Variants in ANKRD55 observed in about 807,000 individuals in gnomAD.
The protein encoded by ANKRD55 is ankyrin repeat domain-containing protein 55.
In ANKRD55, 41 loss-of-function variants were observed where a neutral mutation model predicts 60.6. The ratio of observed to expected loss-of-function variants is 0.68; its 90% CI spans 0.53 to 0.88. The LOEUF (loss-of-function observed/expected upper bound fraction) is 0.88. Ranked by LOEUF, ANKRD55 falls within the 40% of genes least tolerant of loss-of-function variation. ANKRD55 has a pLI of 0.00. For synonymous variants in ANKRD55, 264 were observed against 290.3 expected (o/e 0.91, Z 0.92); for missense variants, 732 against 767.6 (o/e 0.95, Z 0.55).
rs573351300 is a variant in ANKRD55, at chr5:56,110,314, G to A, written c.1630+804C>T. ...CTCAGGATGCTGAGGCAGGGGGATCGCTTGAACCCAGGAGACAGAGGCTGC... is the reference window on the plus strand; with the variant it reads ...CTCAGGATGCTGAGGCAGGGGGATCACTTGAACCCAGGAGACAGAGGCTGC... On this transcript the variant is annotated intron_variant, in intron 10 of 11. Coordinates refer to ENST00000341048, the MANE Select transcript of ANKRD55 (RefSeq NM_024669.3). 1.9e-4 allele frequency among the ~76,000 whole-genome samples: 28 copies of A among 150,498 alleles called. No individual in the cohort carries two copies. In the South Asian group the frequency reaches 4.9e-3, roughly 26 times the overall value.
At chr5:56,172,119 A>G (rs1175026704) in intron 4 of ANKRD55, among the ~76,000 whole-genome samples, 1 of 142,550 alleles carries the variant, frequency 7.0e-6, no homozygotes, top group African/African-American at 3.0e-5. Flanking sequence ...ACTCTGTCTC[A>G]AGAAAAAAAA....
At chr5:56,115,844 C>A (rs1432146539) in intron 9 of ANKRD55, among the ~76,000 whole-genome samples, 2 of 151,680 alleles carry the variant, frequency 1.3e-5, no homozygotes, top group African/African-American at 4.8e-5. Flanking sequence ...AAAAATTTCT[C>A]ATTTTAATTA....
intron 6 of ANKRD55, among the ~76,000 whole-genome samples, chr5:56,158,833 A>AGG (rs2111790758): frequency 1.3e-5 from 2 of 152,222 alleles, no homozygotes; most frequent in East Asian, 3.9e-4. Flanking sequence ...AGCTGGGACT[A>AGG]TAGGCATGTG....
At chr5:56,174,538 T>C (rs1256728411) in intron 4 of ANKRD55, among the ~76,000 whole-genome samples, 3 of 152,214 alleles carry the variant, frequency 2.0e-5, no homozygotes, top group Non-Finnish European at 2.9e-5. Flanking sequence ...CTTCGGCTAA[T>C]ATGCACAGAC....
At chr5:56,113,850 A>G (rs934456609) in intron 9 of ANKRD55, among the ~76,000 whole-genome samples, 1 of 151,886 alleles carries the variant, frequency 6.6e-6, no homozygotes, top group African/African-American at 2.4e-5. Context: ...GGGTTTTGCC[A>G]TCTTGGCTAG....
chr5:56,191,560 G>C (rs1044389683), intron 2 of ANKRD55, among the ~76,000 whole-genome samples: 3 of 152,196 alleles, frequency 2.0e-5, no homozygotes, highest in African/African-American at 2.4e-5. Flanking sequence ...CAGTGGGTGA[G>C]AGTGACAGAG....
chr5:56,169,688 T>A (rs1758562285), intron 5 of ANKRD55, among the ~76,000 whole-genome samples: 1 of 152,216 alleles, frequency 6.6e-6, no homozygotes, highest in African/African-American at 2.4e-5. Context: ...TTCCTCAGCC[T>A]GGAAGATTAT....
intron 2 of ANKRD55, among the ~76,000 whole-genome samples, chr5:56,206,848 G>C (rs1759523456): frequency 6.6e-6 from 1 of 152,204 alleles, no homozygotes. Context: ...GCTCTGAAAG[G>C]TGCTACTGCC....
intron 8 of ANKRD55, among the ~76,000 whole-genome samples, chr5:56,124,772 C>T (rs1757188932): frequency 6.6e-6 from 1 of 152,176 alleles, no homozygotes; most frequent in Non-Finnish European, 1.5e-5. Flanking sequence ...TCCCAAAGTG[C>T]TGGGATTATA....
At chr5:56,126,813 C>T (rs1353472388) in intron 8 of ANKRD55, 109 bp downstream of exon 8, 11 of 1,202,912 alleles carry the variant, frequency 9.1e-6, no homozygotes, top group Non-Finnish European at 1.2e-5. Flanking sequence ...GTATTACTGG[C>T]AATAGGGATA....
At chr5:56,117,316 T>A (rs555693273) in intron 8 of ANKRD55, among the ~76,000 whole-genome samples, 2 of 152,224 alleles carry the variant, frequency 1.3e-5, no homozygotes, top group African/African-American at 2.4e-5. Flanking sequence ...TAATGCCTTT[T>A]GTCATTTTTC....
chr5:56,174,618 G>A (rs186963418), intron 4 of ANKRD55, among the ~76,000 whole-genome samples: 13 of 152,190 alleles, frequency 8.5e-5, no homozygotes, highest in African/African-American at 2.9e-4. Flanking sequence ...CAGATCATGA[G>A]GTCAAGAGAT....
In ANKRD55 at chr5:56,102,542, C is replaced by T. The variant is rs376804948; in HGVS notation, c.1675G>A (p.Asp559Asn). The stretch of plus-strand genomic sequence containing the variant: ...AGGTTGTTCCGAGTGAAAGGAAGAT[C>T]CCTGATTTTGTGTCTGTTTGGGGAA... ...HLSPNRHKIR[D>N]LPFTRNNLAP... Residue 559 changes from aspartate (D) to asparagine (N), a missense_variant, in exon 11 of 12, where the codon GAT becomes AAT. Around this residue, in one of 3 missense-constraint regions of ANKRD55, gnomAD observed 597 missense variants for 607.5 expected, o/e 0.98. Transcript: ENST00000341048. The T allele has an allele frequency of 6.2e-7, 1 of 1,613,466 alleles. No homozygotes were observed. Among genetic ancestry groups the T allele is most frequent in the African/African-American group, 1.3e-5 (1 of 74,866 alleles).
intron 8 of ANKRD55, among the ~76,000 whole-genome samples, chr5:56,122,528 G>T (rs552476055): frequency 6.6e-6 from 1 of 151,476 alleles, no homozygotes; most frequent in Non-Finnish European, 1.5e-5. Context: ...GCATGGTGGC[G>T]CACACCTGTA....
At chr5:56,115,644 T>C (rs980495172) in intron 9 of ANKRD55, among the ~76,000 whole-genome samples, 2 of 152,106 alleles carry the variant, frequency 1.3e-5, no homozygotes, top group Non-Finnish European at 2.9e-5. Context: ...CTATTAAGCT[T>C]GTATTAAGCT....
chr5:56,135,280 CTGCCTGCCTGCT>C lies in ANKRD55; in HGVS notation c.613-8186_613-8175del, dbSNP rs1234049474. 2.1e-3 allele frequency among the ~76,000 whole-genome samples: 104 copies of C among 48,452 alleles called. 4 individuals carry two copies. Among genetic ancestry groups the C allele is most frequent in the African/African-American group, 6.3e-3 (83 of 13,190 alleles). The allele number at this position is 48,452 out of a possible 152,430, so 31.8% of individuals were successfully genotyped here. A position where few individuals can be genotyped will look rare whatever the true frequency, so the allele number is the denominator to read the frequency against. Reference sequence around the variant, plus strand: ...CTTCCTTCTTTCCCTCCCTCCCTCCCTGCCTGCCTGCTTGCTTTCTTTCTTTCTTTCTTTCTT... The same window carrying C: ...CTTCCTTCTTTCCCTCCCTCCCTCCCTGCTTTCTTTCTTTCTTTCTTTCTT... On this transcript the variant is annotated intron_variant, in intron 7 of 11. Coordinates refer to ENST00000341048, the MANE Select transcript of ANKRD55 (RefSeq NM_024669.3).
At chr5:56,189,729 T>C (rs1387504412) in intron 2 of ANKRD55, among the ~76,000 whole-genome samples, 2 of 152,268 alleles carry the variant, frequency 1.3e-5, no homozygotes, top group African/African-American at 2.4e-5. Context: ...TACCTGTCAG[T>C]GGACACTTGC....
At chr5:56,113,985 A>AATATAT (rs1756812699) in intron 9 of ANKRD55, among the ~76,000 whole-genome samples, 1 of 54,726 alleles carries the variant, frequency 1.8e-5, no homozygotes, top group African/African-American at 8.1e-5. Flanking sequence ...AAATATGTAT[A>AATATAT]CTATATATAT....
intron 4 of ANKRD55, among the ~76,000 whole-genome samples, chr5:56,175,806 C>T (rs1758724155): frequency 6.6e-6 from 1 of 152,086 alleles, no homozygotes; most frequent in South Asian, 2.1e-4. Flanking sequence ...CACAGTATTC[C>T]CACCCTGTTG....
Sources: allele counts gnomAD v4.1 joint callset (sites outside exome capture counted in the v4.1 genomes callset), GRCh38; gene constraint gnomAD v4.1.1; regional missense constraint gnomAD v4.1.1; transcripts MANE v1.5; gene names NCBI Gene and HGNC (gene_info 2026-07-23, HGNC 2026-07-21).